The following TNFSF4 variants were observed in gnomAD, a reference collection of about 807,000 sequenced individuals.
The protein encoded by TNFSF4 is TNF superfamily member 4, also known as tumor necrosis factor ligand superfamily member 4.
Under a neutral mutation model 7.3 loss-of-function variants are expected in TNFSF4, and 4 were observed. The observed-to-expected ratio is 0.55, with a 90% CI of 0.27 to 1.25. TNFSF4 has a LOEUF of 1.25. Among genes scored for constraint, TNFSF4 ranks in the 50% most tolerant of loss-of-function variants. The pLI is 0.12. For missense variants in TNFSF4, 181 were observed against 208.8 expected (o/e 0.87, Z 0.82); for synonymous variants, 76 against 83.7 (o/e 0.91, Z 0.50).
chr1:173,403,683 C>T, the TNFSF4 span, among the ~76,000 whole-genome samples: 8 of 152,188 alleles, frequency 5.3e-5, no homozygotes, highest in Admixed American at 5.2e-4. Context: ...GCAGGTGGAT[C>T]ACGAGGTCAG....
chr1:173,325,387 C>G, the TNFSF4 span, among the ~76,000 whole-genome samples: 5 of 151,970 alleles, frequency 3.3e-5, no homozygotes, highest in African/African-American at 9.7e-5. Flanking sequence ...AAATTTATAG[C>G]ACTAAATGGC....
the TNFSF4 span, among the ~76,000 whole-genome samples, chr1:173,404,644 T>G: frequency 6.1e-4 from 93 of 151,946 alleles, no homozygotes; most frequent in Non-Finnish European, 9.7e-4. Flanking sequence ...ATTTTTTTTT[T>G]TTTTTTAAGA....
the TNFSF4 span, among the ~76,000 whole-genome samples, chr1:173,429,683 T>C: frequency 6.6e-6 from 1 of 152,238 alleles, no homozygotes; most frequent in Non-Finnish European, 1.5e-5. Flanking sequence ...TGGCGCTTTA[T>C]AAATGTTTGA....
upstream of TNFSF4, among the ~76,000 whole-genome samples, chr1:173,209,496 T>C (rs1462183509): frequency 6.6e-6 from 1 of 152,158 alleles, no homozygotes; most frequent in Non-Finnish European, 1.5e-5. Flanking sequence ...GGCAATTTTT[T>C]TCATTTGCAT....
chr1:173,384,314 A>T, the TNFSF4 span, among the ~76,000 whole-genome samples: 2 of 152,238 alleles, frequency 1.3e-5, no homozygotes, highest in African/African-American at 4.8e-5. Flanking sequence ...TAAAAAGTAC[A>T]GTAGAGTAAA....
the TNFSF4 span, among the ~76,000 whole-genome samples, chr1:173,317,090 A>C: frequency 1.3e-5 from 2 of 152,056 alleles, no homozygotes; most frequent in African/African-American, 4.8e-5. Flanking sequence ...CTTTTGGAAC[A>C]CTCTCTGGGA....
intron 2 of TNFSF4, among the ~76,000 whole-genome samples, chr1:173,188,055 C>T (rs1328266634): frequency 6.6e-6 from 1 of 152,192 alleles, no homozygotes; most frequent in East Asian, 1.9e-4. Flanking sequence ...GTTGTGCTAG[C>T]ACTAATCATG....
At chr1:173,188,629 G>T in intron 1 of TNFSF4, 60 bp from the exon 2 acceptor site, 1 of 1,422,996 alleles carries the variant, frequency 7.0e-7, no homozygotes, top group Non-Finnish European at 9.9e-7. Context: ...AAATTCGCAA[G>T]TCATATTTAA....
chr1:173,245,252 C>T, the TNFSF4 span, among the ~76,000 whole-genome samples: 2 of 152,098 alleles, frequency 1.3e-5, no homozygotes, highest in Non-Finnish European at 2.9e-5. Context: ...TAAAGATACT[C>T]ATCTGTGGTT....
At chr1:173,178,029 A>G in the TNFSF4 span, among the ~76,000 whole-genome samples, 1 of 152,200 alleles carries the variant, frequency 6.6e-6, no homozygotes, top group African/African-American at 2.4e-5. Context: ...AGAACAGTTT[A>G]AAACACATTT....
chr1:173,301,752 C>T, the TNFSF4 span, among the ~76,000 whole-genome samples: 1 of 151,922 alleles, frequency 6.6e-6, no homozygotes, highest in East Asian at 1.9e-4. Context: ...CTTATCACCA[C>T]CTACAACTAT....
chr1:173,288,559 C>T, the TNFSF4 span, among the ~76,000 whole-genome samples: 28 of 152,024 alleles, frequency 1.8e-4, 1 homozygote, highest in African/African-American at 6.3e-4. Flanking sequence ...TTAAAAAATA[C>T]CCTTTTCTCT....
chr1:173,279,617 A>G, the TNFSF4 span, among the ~76,000 whole-genome samples: 1 of 152,142 alleles, frequency 6.6e-6, no homozygotes, highest in Non-Finnish European at 1.5e-5. Flanking sequence ...CAGTAGTAGA[A>G]AACGTGGCAC....
At chr1:173,215,612 A>AAAAC in the TNFSF4 span, among the ~76,000 whole-genome samples, 6 of 152,346 alleles carry the variant, frequency 3.9e-5, no homozygotes, top group African/African-American at 1.4e-4. Context: ...ATGGTGTTGC[A>AAAAC]AAACAAACAA....
chr1:173,229,583 T>C, the TNFSF4 span, among the ~76,000 whole-genome samples: 1 of 152,228 alleles, frequency 6.6e-6, no homozygotes, highest in Non-Finnish European at 1.5e-5. Context: ...CACATAACAA[T>C]ATTAACCTTA....
the TNFSF4 span, among the ~76,000 whole-genome samples, chr1:173,274,537 C>CA: frequency 6.6e-6 from 1 of 152,092 alleles, no homozygotes; most frequent in Admixed American, 6.6e-5. Context: ...ACTGTGTACA[C>CA]ACCCTGCACA....
chr1:173,305,628 T>C, the TNFSF4 span, among the ~76,000 whole-genome samples: 1 of 151,738 alleles, frequency 6.6e-6, no homozygotes, highest in African/African-American at 2.4e-5. Flanking sequence ...ATTAATTCAC[T>C]TACCCTTTGT....
chr1:173,316,144 C>T, the TNFSF4 span, among the ~76,000 whole-genome samples: 1 of 152,126 alleles, frequency 6.6e-6, no homozygotes, highest in Non-Finnish European at 1.5e-5. Flanking sequence ...ATCCAGTTTA[C>T]TCAACACTGC....
chr1:173,257,154 C>T, the TNFSF4 span, among the ~76,000 whole-genome samples: 8 of 152,232 alleles, frequency 5.3e-5, no homozygotes, highest in African/African-American at 1.9e-4. Flanking sequence ...TTTCGTATCT[C>T]CAAGGCTTAA....
Sources: gnomAD v4.1 joint callset for allele counts (sites outside exome capture counted in the v4.1 genomes callset) on GRCh38, gnomAD v4.1.1 for gene constraint, MANE v1.5 for transcripts, NCBI Gene and HGNC (gene_info 2026-07-23, HGNC 2026-07-21) for gene names.